The following TCF4 variants were observed in gnomAD, a reference collection of about 807,000 sequenced individuals.
TCF4 encodes the protein SL3-3 enhancer factor 2.
Under a neutral mutation model 82.1 loss-of-function variants are expected in TCF4, and 3 were observed. The observed-to-expected ratio is 0.04, with a 90% CI of 0.02 to 0.09. The LOEUF is 0.09. Among genes scored for constraint, TCF4 ranks in the 10% least tolerant of loss-of-function variants. The pLI is 1.00. For synonymous variants in TCF4, 276 were observed against 309.6 expected (o/e 0.89, Z 1.14); for missense variants, 518 against 852.7 (o/e 0.61, Z 4.89).
At chr18:55,239,443 G>A (rs1301307620) in intron 15 of TCF4, among the ~76,000 whole-genome samples, 1 of 152,164 alleles carries the variant, frequency 6.6e-6, no homozygotes, top group Non-Finnish European at 1.5e-5. Context: ...ATATAGGAGA[G>A]GGGAGGAGAG....
chr18:55,412,042 AT>A (rs571088933), intron 5 of TCF4, among the ~76,000 whole-genome samples: 4 of 151,824 alleles, frequency 2.6e-5, no homozygotes, highest in East Asian at 1.9e-4. Context: ...TGCCCAACAG[AT>A]TTTTTTTTCT....
chr18:55,287,585 G>A (rs879536559), intron 8 of TCF4, among the ~76,000 whole-genome samples: 1 of 152,142 alleles, frequency 6.6e-6, no homozygotes, highest in Non-Finnish European at 1.5e-5. Flanking sequence ...CAGAGACCTG[G>A]GCGATCCACA....
At chr18:55,266,966 CATATT>C (rs1469434929) in intron 11 of TCF4, 5 of 152,140 alleles carry the variant, frequency 3.3e-5, no homozygotes, top group African/African-American at 1.2e-4. Context: ...ACCAGAAAGA[CATATT>C]ATAACATGAC....
intron 6 of TCF4, chr18:55,401,612 A>C: frequency 1.0e-6 from 1 of 989,264 alleles, no homozygotes; most frequent in Non-Finnish European, 1.2e-6. Context: ...AATTAACTTC[A>C]GTTTCACCCG....
At chr18:55,628,110 A>G (rs1449401390) in intron 2 of TCF4, among the ~76,000 whole-genome samples, 1 of 152,198 alleles carries the variant, frequency 6.6e-6, no homozygotes, top group Non-Finnish European at 1.5e-5. Flanking sequence ...TCAAGCCACT[A>G]GTTTTTAATG....
intron 3 of TCF4, among the ~76,000 whole-genome samples, chr18:55,491,283 G>A (rs1225130352): frequency 2.6e-5 from 4 of 152,036 alleles, no homozygotes; most frequent in Admixed American, 6.6e-5. Context: ...GCGGGACGGC[G>A]GTGGTTCCAT....
chr18:55,519,209 G>T (rs1419768685), intron 3 of TCF4, among the ~76,000 whole-genome samples: 1 of 152,156 alleles, frequency 6.6e-6, no homozygotes, highest in African/African-American at 2.4e-5. Flanking sequence ...AAGGCATGCA[G>T]ATCACTTGAG....
intron 3 of TCF4, among the ~76,000 whole-genome samples, chr18:55,490,056 G>C (rs2096560148): frequency 6.6e-6 from 1 of 152,098 alleles, no homozygotes; most frequent in Non-Finnish European, 1.5e-5. Flanking sequence ...ACCTTTTTGT[G>C]GGTAAAATTT....
At chr18:55,275,544 T>C in intron 10 of TCF4, 75 bp downstream of exon 10, 4 of 1,600,094 alleles carry the variant, frequency 2.5e-6, no homozygotes, top group Non-Finnish European at 3.4e-6. Context: ...TCCTTGTGTA[T>C]ATGCATGGAA....
Position 55,543,915 on chromosome 18 carries a change from A to G in TCF4, c.145+41365T>C, listed in dbSNP as rs576051343. Among the ~76,000 whole-genome samples, 3 of 152,300 alleles carry G rather than the reference A, an allele frequency of 2.0e-5. No individual in the cohort carries two copies. The East Asian group carries it at 5.8e-4, about 29-fold the overall frequency. On this transcript the variant is annotated intron_variant, in intron 3 of 19. Transcript: ENST00000354452. ...ATTTGAAATTTGGATTATGTATGGA[A>G]GAAAAGTCTGGTAAGTTTTTTTTTC...
At chr18:55,424,562 A>G (rs1375284205) in intron 5 of TCF4, among the ~76,000 whole-genome samples, 1 of 152,214 alleles carries the variant, frequency 6.6e-6, no homozygotes, top group Non-Finnish European at 1.5e-5. Context: ...GCACAAAAAT[A>G]TCAAACAACA....
At position 55,540,355 on chromosome 18, in the gene TCF4, T is replaced by C. The variant is rs1050114096; in HGVS notation, c.145+44925A>G. On this transcript the variant is annotated intron_variant, in intron 3 of 19. Coordinates refer to ENST00000354452, the MANE Select transcript of TCF4 (RefSeq NM_001083962.2). ...TGTTTTCACTAATTATGATATTTTG[T>C]CTAATAGAGTAAATGACTGTTCACT... Among the ~76,000 whole-genome samples, 9 of 152,128 alleles carry C rather than the reference T, an allele frequency of 5.9e-5. 1 individual carries two copies. The highest frequency in any genetic ancestry group is 1.3e-4 in the Non-Finnish European group (9 of 67,972).
chr18:55,604,141 CAAT>C (rs929720165), intron 2 of TCF4, among the ~76,000 whole-genome samples: 4 of 152,064 alleles, frequency 2.6e-5, no homozygotes, highest in Non-Finnish European at 4.4e-5. Flanking sequence ...ATCTTAACAA[CAAT>C]GATTTTTTAA....
intron 11 of TCF4, chr18:55,266,913 T>C (rs1207162087): frequency 6.6e-6 from 1 of 152,154 alleles, no homozygotes; most frequent in Non-Finnish European, 1.5e-5. Context: ...TCACCCCACA[T>C]GCACTGCGTT....
chr18:55,517,869 T>C (rs1649828200), intron 3 of TCF4, among the ~76,000 whole-genome samples: 1 of 152,184 alleles, frequency 6.6e-6, no homozygotes, highest in South Asian at 2.1e-4. Context: ...CCTTGCTGGT[T>C]AGAGCTTTCT....
intron 3 of TCF4, among the ~76,000 whole-genome samples, chr18:55,522,357 A>G (rs2146523955): frequency 1.3e-5 from 2 of 152,326 alleles, no homozygotes; most frequent in African/African-American, 4.8e-5. Flanking sequence ...AAATCTGCAC[A>G]ATAAAATATA....
At chr18:55,424,228 T>C (rs1384747853) in intron 5 of TCF4, among the ~76,000 whole-genome samples, 1 of 152,212 alleles carries the variant, frequency 6.6e-6, no homozygotes, top group African/African-American at 2.4e-5. Flanking sequence ...GGAAGACTTT[T>C]CTTAGCCCCC....
chr18:55,348,156 A>C (rs1369067974), intron 8 of TCF4, among the ~76,000 whole-genome samples: 3 of 152,192 alleles, frequency 2.0e-5, no homozygotes, highest in Non-Finnish European at 4.4e-5. Context: ...GTTGTAAGTA[A>C]TAAGCAATTG....
rs115065555 is a variant in TCF4, at chr18:55,318,834, C to T, written c.549+31525G>A. 1.1e-3 allele frequency among the ~76,000 whole-genome samples: 173 copies of T among 152,164 alleles called. 2 individuals are homozygous for T. Among genetic ancestry groups the T allele is most frequent in the African/African-American group, 3.9e-3 (161 of 41,536 alleles). ...TAGAGGACAACTGATTTTACAAACC[C>T]TATAGTTGCCAGTTCATAAAAGAAG... On this transcript the variant is annotated intron_variant, in intron 8 of 19. Coordinates refer to ENST00000354452, the MANE Select transcript of TCF4 (RefSeq NM_001083962.2).
Sources: allele counts gnomAD v4.1 joint callset (sites outside exome capture counted in the v4.1 genomes callset), GRCh38; gene constraint gnomAD v4.1.1; transcripts MANE v1.5; gene names NCBI Gene and HGNC (gene_info 2026-07-23, HGNC 2026-07-21).